OR6P1: variants seen among roughly 807,000 people sequenced by gnomAD.
The protein encoded by OR6P1 is olfactory receptor family 6 subfamily P member 1, also known as olfactory receptor 6P1.
A neutral mutation model predicts 6.6 loss-of-function variants in OR6P1; 5 were observed. That is an observed-to-expected ratio of 0.76 (90% CI 0.40 to 1.60). The LOEUF (loss-of-function observed/expected upper bound fraction) is 1.60. Ranked by LOEUF, OR6P1 falls within the 40% of genes most tolerant of loss-of-function variation. The pLI is 0.02. For synonymous variants in OR6P1, 177 were observed against 149.6 expected, an observed-to-expected ratio of 1.18 and a Z score of -1.33; for missense variants, 451 against 383.0, an observed-to-expected ratio of 1.18 and a Z score of -1.48.
At chr1:158,567,023 G>A (rs544225266) in intron 1 of OR6P1, among the ~76,000 whole-genome samples, 165 bp from the exon 2 acceptor site, 2 of 152,082 alleles carry the variant, frequency 1.3e-5, no homozygotes, top group African/African-American at 2.4e-5. Flanking sequence ...CATTTATGCA[G>A]CCAAAAGACA....
Position 158,561,168 on chromosome 1 carries a change from T to C in OR6P1, c.*1483A>G, listed in dbSNP as rs1380695078. The stretch of plus-strand genomic sequence containing the variant: ...GTTTCTTGCCTATGATCACATAACT[T>C]GTTATTAGTAAAGCCAGGATCAAAT... On this transcript the variant is annotated 3_prime_UTR_variant, in exon 3 of 3. Transcript: ENST00000641540. 6.6e-6 allele frequency: 1 copy of C among 152,116 alleles called. No homozygotes were observed. The highest frequency in any genetic ancestry group is 1.5e-5 in the Non-Finnish European group (1 of 67,996). 9.4% of individuals were successfully genotyped at this position (152,116 alleles called of 1,614,324 possible).
Position 158,563,041 on chromosome 1 carries a change from G to C in OR6P1, c.564C>G (p.Thr188=). 6.4e-7 allele frequency: 1 copy of C among 1,551,756 alleles called. No individual in the cohort carries two copies. The highest frequency in any genetic ancestry group is 8.7e-7 in the Non-Finnish European group (1 of 1,146,992). Residue 188 remains threonine, a synonymous_variant, in exon 3 of 3, where the codon ACC becomes ACG. Coordinates refer to ENST00000641540, the MANE Select transcript of OR6P1 (RefSeq NM_001160325.2). ...GCTCTGCTTGCTCCTTGTCAGAGCA[G>C]GTGAGGTTGAGTAGTGGGGAAATAT... The part of the protein sequence containing the change: ...FCDISPLLNL[T]CSDKEQAELV...
chr1:158,566,220 G>T (rs116292365), intron 2 of OR6P1, among the ~76,000 whole-genome samples: 2,065 of 152,212 alleles, frequency 0.014, 15 homozygotes, highest in Non-Finnish European at 0.02. Flanking sequence ...GAAGATGAGA[G>T]AATCAGTCCT....
intron 1 of OR6P1, among the ~76,000 whole-genome samples, chr1:158,569,853 A>G (rs1648196707): frequency 6.6e-6 from 1 of 152,204 alleles, no homozygotes; most frequent in South Asian, 2.1e-4. Context: ...TATCCTGTAC[A>G]TCTTCCATGG....
rs554137403 is a variant in OR6P1 at position 158,563,435 on chromosome 1, C to G, written c.170G>C (p.Arg57Pro). 2 of 1,550,832 alleles carry G rather than the reference C, an allele frequency of 1.3e-6. No individual in the cohort carries two copies. The highest frequency in any genetic ancestry group is 1.7e-6 in the Non-Finnish European group (2 of 1,146,742). The change falls in exon 3 of 3, where the codon CGT becomes CCT. Residue 57 changes from arginine (R) to proline (P), a missense_variant. Arg to Pro is a moderately radical substitution (Grantham distance 103, BLOSUM62 -2). Coordinates refer to ENST00000641540, the MANE Select transcript of OR6P1 (RefSeq NM_001160325.2). ...FTIWLAPSLH[R>P]PMYFFLGHLS... is the part of the protein sequence containing the mutation. ...ATGGCCAAGGAAAAAGTACATGGGA[C>G]GATGAAGGCTTGGAGCAAGCCATAT...
chr1:158,564,935 G>A (rs1278552754), intron 2 of OR6P1, among the ~76,000 whole-genome samples: 1 of 152,166 alleles, frequency 6.6e-6, no homozygotes, highest in Non-Finnish European at 1.5e-5. Context: ...ACTTGAGATT[G>A]GGTGACATGT....
At position 158,563,520 on chromosome 1, in the gene OR6P1, C is replaced by T; in HGVS notation, c.85G>A (p.Val29Ile). Residue 29 changes from valine to isoleucine, a missense_variant, in exon 3 of 3, where the codon GTC (valine) becomes ATC (isoleucine). Val to Ile is a conservative substitution (Grantham distance 29). Transcript: ENST00000641540. ...AGAAGGTAAATTGCAAAAAAAAGGA[C>T]AAAGAGGAGCAGCTGGAGGGGAGGC... is the stretch of plus-strand genomic sequence containing the variant. ...TTPPLQLLLF[V>I]LFFAIYLLTL... The T allele has an allele frequency of 6.4e-7, 1 of 1,551,282 alleles. No homozygotes were observed. Among genetic ancestry groups the T allele is most frequent in the Non-Finnish European group, 8.7e-7 (1 of 1,146,882 alleles).
rs1304649702 is a variant in OR6P1 at position 158,563,076 on chromosome 1, A to G, written c.529T>C (p.Phe177Leu). 6.4e-7 allele frequency: 1 copy of G among 1,551,832 alleles called. No individual in the cohort carries two copies. Residue 177 changes from phenylalanine to leucine, a missense_variant, in exon 3 of 3, where the codon TTT (phenylalanine) becomes CTT (leucine). By Grantham distance (22) the Phe-to-Leu change is conservative. Transcript: ENST00000641540. ...AGTAGTGGGGAAATATCACAGAAAA[A>G]GTGGTTGATAATGTTGGGTCCACAG... ...SYCGPNIINHFFCDISPLLNL... is the reference protein window; with the variant it reads ...SYCGPNIINHLFCDISPLLNL...
rs554678277 is a variant in OR6P1 at position 158,560,775 on chromosome 1, A to C, written c.*1876T>G. 6.6e-6 allele frequency: 1 copy of C among 152,298 alleles called. No homozygotes were observed. Among genetic ancestry groups the C allele is most frequent in the East Asian group, 1.9e-4 (1 of 5,178 alleles). The allele number at this position is 152,298 out of a possible 1,614,324, so 9.4% of individuals were successfully genotyped here. A position where few individuals can be genotyped will look rare whatever the true frequency, so the allele number is the denominator to read the frequency against. On this transcript the variant is annotated 3_prime_UTR_variant, in exon 3 of 3. Coordinates refer to ENST00000641540, the MANE Select transcript of OR6P1 (RefSeq NM_001160325.2). ...CCCTGTAAGAGCCTATATCACTTGTAACAATTTCATGGGCATCCATAGCTT... is the reference window on the plus strand; with the variant it reads ...CCCTGTAAGAGCCTATATCACTTGTCACAATTTCATGGGCATCCATAGCTT...
chr1:158,562,402 T>G lies in OR6P1; in HGVS notation c.*249A>C. 2.2e-6 allele frequency: 1 copy of G among 462,878 alleles called. No individual in the cohort carries two copies. Among genetic ancestry groups the G allele is most frequent in the South Asian group, 2.4e-5 (1 of 41,788 alleles). The allele number at this position is 462,878 out of a possible 1,614,324, so 28.7% of individuals were successfully genotyped here. On this transcript the variant is annotated 3_prime_UTR_variant, in exon 3 of 3. Transcript: ENST00000641540. ...CATACTCAGTAAGACTCTCCACATA[T>G]TTTTTTGGGGGAATCTGTATTTTAA...
In OR6P1 at chr1:158,563,204, C is replaced by A; in HGVS notation, c.401G>T (p.Ser134Ile). ...AGTGGCCAGACTGGAAGGCATGAGA[C>A]TAGGGTAAAGGAGGGGTCCACAGAT... ...LAICGPLLYPSLMPSSLATRL... is the reference protein window; with the variant it reads ...LAICGPLLYPILMPSSLATRL... Residue 134 changes from serine (S) to isoleucine (I), a missense_variant, in exon 3 of 3, where the codon AGT (serine) becomes ATT (isoleucine). Coordinates refer to ENST00000641540, the MANE Select transcript of OR6P1 (RefSeq NM_001160325.2). The A allele has an allele frequency of 6.4e-7, 1 of 1,551,476 alleles. No individual in the cohort carries two copies.
At position 158,568,140 on chromosome 1, in the gene OR6P1, G is replaced by A. The variant is rs144132120; in HGVS notation, c.-117-1282C>T. On this transcript the variant is annotated intron_variant, in intron 1 of 2. Coordinates refer to ENST00000641540, the MANE Select transcript of OR6P1 (RefSeq NM_001160325.2). ...CAGCCCCTATTGTCCACCAGAAATT[G>A]TCTGTTCTTTTATTCTTTTCCTGCT... is the stretch of plus-strand genomic sequence containing the variant. 2.0e-5 allele frequency among the ~76,000 whole-genome samples: 3 copies of A among 152,256 alleles called. No homozygotes were observed. In the East Asian group the frequency reaches 5.8e-4, roughly 29 times the overall value.
chr1:158,566,760 C>G lies in OR6P1; in HGVS notation c.-23+4G>C, dbSNP rs10437334. ...TGCATAAAATTGGTGAAATTCCAAC[C>G]TACCAGGGTCAGTCCTGAGGGATGT... On this transcript the variant is annotated splice_donor_region_variant and intron_variant, in intron 2 of 2. Transcript: ENST00000641540. 5 of 152,170 alleles carry G rather than the reference C, an allele frequency of 3.3e-5. No homozygotes were observed. In the South Asian group the frequency reaches 1.0e-3, roughly 32 times the overall value. The allele number at this position is 152,170 out of a possible 1,614,324, so 9.4% of individuals were successfully genotyped here.
chr1:158,563,760 G>T (rs1048640226), intron 2 of OR6P1, 134 bp from the exon 3 acceptor site: 7 of 576,538 alleles, frequency 1.2e-5, no homozygotes, highest in Non-Finnish European at 1.8e-5. Context: ...TCTTCACTTT[G>T]CTGTTTTTTC....
intron 2 of OR6P1, among the ~76,000 whole-genome samples, chr1:158,564,134 A>G (rs1382148822): frequency 1.3e-5 from 2 of 152,244 alleles, no homozygotes; most frequent in African/African-American, 4.8e-5. Flanking sequence ...TCTGAAAAAT[A>G]TTCATTTCCA....
At chr1:158,567,682 C>T (rs1272170660) in intron 1 of OR6P1, among the ~76,000 whole-genome samples, 13 of 148,594 alleles carry the variant, frequency 8.7e-5, no homozygotes, top group African/African-American at 3.0e-4. Context: ...TTGGGAGATA[C>T]ACCTAATGCT....
Position 158,563,308 on chromosome 1 carries a change from G to A in OR6P1, c.297C>T (p.Thr99=). The A allele has an allele frequency of 6.4e-7, 1 of 1,551,438 alleles. No homozygotes were observed. The highest frequency in any genetic ancestry group is 1.4e-5 in the African/African-American group (1 of 73,072). Residue 99 remains threonine (T), a synonymous_variant, in exon 3 of 3, where the codon ACC becomes ACT. Coordinates refer to ENST00000641540, the MANE Select transcript of OR6P1 (RefSeq NM_001160325.2). Reference sequence around the variant, plus strand: ...CTAAGGCAATAAAGAAGTACAGTTGGGTCATGCAACCTACGTAGGAGACTC... The same window carrying A: ...CTAAGGCAATAAAGAAGTACAGTTGAGTCATGCAACCTACGTAGGAGACTC... ...DGRVSYVGCM[T]QLYFFIALAC...
chr1:158,561,166 C>T lies in OR6P1; in HGVS notation c.*1485G>A, dbSNP rs1647941910. 6.6e-6 allele frequency: 1 copy of T among 152,092 alleles called. No individual in the cohort carries two copies. Among genetic ancestry groups the T allele is most frequent in the South Asian group, 2.1e-4 (1 of 4,830 alleles). The allele number at this position is 152,092 out of a possible 1,614,324, so 9.4% of individuals were successfully genotyped here. On this transcript the variant is annotated 3_prime_UTR_variant, in exon 3 of 3. Coordinates refer to ENST00000641540, the MANE Select transcript of OR6P1 (RefSeq NM_001160325.2). ...AAGTTTCTTGCCTATGATCACATAACTTGTTATTAGTAAAGCCAGGATCAA... is the reference window on the plus strand; with the variant it reads ...AAGTTTCTTGCCTATGATCACATAATTTGTTATTAGTAAAGCCAGGATCAA...
Position 158,563,172 on chromosome 1 carries a change from C to A in OR6P1, c.433G>T (p.Ala145Ser). 1 of 1,551,472 alleles carries A rather than the reference C, an allele frequency of 6.4e-7. No homozygotes were observed. ...LMPSSLATRL[A>S]AASWGSGFFS... ...AAGCCACTGCCCCAAGAGGCAGCAGCAAGGCGAGTGGCCAGACTGGAAGGC... is the reference window on the plus strand; with the variant it reads ...AAGCCACTGCCCCAAGAGGCAGCAGAAAGGCGAGTGGCCAGACTGGAAGGC... The change falls in exon 3 of 3, where the codon GCT becomes TCT. Residue 145 changes from alanine to serine, a missense_variant. Transcript: ENST00000641540.
Sources: gnomAD v4.1 joint callset for allele counts (sites outside exome capture counted in the v4.1 genomes callset) on GRCh38, gnomAD v4.1.1 for gene constraint, MANE v1.5 for transcripts, NCBI Gene and HGNC (gene_info 2026-07-23, HGNC 2026-07-21) for gene names.